The following ZEB1 variants were observed in gnomAD, a reference collection of about 807,000 sequenced individuals.
ZEB1 encodes zinc finger E-box binding homeobox 1.
Under a neutral mutation model 84.9 loss-of-function variants are expected in ZEB1, and 21 were observed. The ratio of observed to expected loss-of-function variants is 0.25; its 90% CI spans 0.18 to 0.36. ZEB1 has a LOEUF of 0.36. ZEB1 is among the 10% of genes least tolerant of loss of function. The probability of loss-of-function intolerance (pLI) is 1.00; values close to 1 mark genes in which losing one functional copy is unlikely to be tolerated. For synonymous variants in ZEB1, 420 were observed against 471.1 expected (o/e 0.89, Z 1.41); for missense variants, 1,104 against 1,330.2 (o/e 0.83, Z 2.65).
At chr10:31,321,489 C>G in intron 1 of ZEB1, 1 of 1,613,980 alleles carries the variant, frequency 6.2e-7, no homozygotes, top group Non-Finnish European at 8.5e-7. Flanking sequence ...GTGTGTGTTC[C>G]ATATTGAGCT....
intron 1 of ZEB1, among the ~76,000 whole-genome samples, chr10:31,442,328 C>G (rs1440603989): frequency 6.6e-6 from 1 of 151,644 alleles, no homozygotes; most frequent in East Asian, 1.9e-4. Flanking sequence ...AAACACTGTA[C>G]GTTCTCACTC....
At chr10:31,421,952 A>G (rs1253396123) in intron 1 of ZEB1, among the ~76,000 whole-genome samples, 1 of 152,030 alleles carries the variant, frequency 6.6e-6, no homozygotes, top group Non-Finnish European at 1.5e-5. Context: ...GCTGATTTCA[A>G]GTGACCACCT....
intron 2 of ZEB1, among the ~76,000 whole-genome samples, chr10:31,466,667 T>C (rs2062467916): frequency 6.6e-6 from 1 of 152,138 alleles, no homozygotes; most frequent in Admixed American, 6.6e-5. Context: ...GGAATGATCT[T>C]AAATAAACAA....
At chr10:31,396,811 G>A (rs1202219329) in intron 1 of ZEB1, among the ~76,000 whole-genome samples, 1 of 152,096 alleles carries the variant, frequency 6.6e-6, no homozygotes, top group Admixed American at 6.6e-5. Flanking sequence ...AAGTTAGTGT[G>A]CTTTTAAGTT....
intron 1 of ZEB1, among the ~76,000 whole-genome samples, chr10:31,440,404 T>G (rs1259676856): frequency 6.6e-6 from 1 of 152,154 alleles, no homozygotes; most frequent in Non-Finnish European, 1.5e-5. Context: ...ATGGGACGTA[T>G]CTCAAAATAA....
At chr10:31,398,253 A>T (rs2051197691) in intron 1 of ZEB1, among the ~76,000 whole-genome samples, 1 of 152,170 alleles carries the variant, frequency 6.6e-6, no homozygotes, top group Non-Finnish European at 1.5e-5. Context: ...CTTAAAAATT[A>T]TACTATTCAT....
At chr10:31,398,125 A>T (rs1490426673) in intron 1 of ZEB1, among the ~76,000 whole-genome samples, 1 of 152,174 alleles carries the variant, frequency 6.6e-6, no homozygotes, top group African/African-American at 2.4e-5. Context: ...TTACACAGCA[A>T]CCACAATTCA....
At chr10:31,342,840 A>T (rs1411617216) in intron 1 of ZEB1, among the ~76,000 whole-genome samples, 3 of 152,166 alleles carry the variant, frequency 2.0e-5, no homozygotes, top group Non-Finnish European at 4.4e-5. Context: ...GAATATAAAT[A>T]CAAAAGTTTC....
chr10:31,321,533 G>C (rs749222286), intron 1 of ZEB1: 29 of 1,613,912 alleles, frequency 1.8e-5, no homozygotes, highest in Admixed American at 3.3e-5. Context: ...TTTATGAAAG[G>C]TAAGTTGGTT....
chr10:31,332,641 G>A (rs1013739669), intron 1 of ZEB1, among the ~76,000 whole-genome samples: 17 of 152,020 alleles, frequency 1.1e-4, no homozygotes, highest in African/African-American at 4.1e-4. Flanking sequence ...GTTTTTATTT[G>A]AATAGAAACA....
In ZEB1 at chr10:31,520,286, A is replaced by G; in HGVS notation, c.954A>G (p.Ser318=). ...KTSQCSSPSL[S]ASPGSPTRPQ... is the part of the protein sequence containing the mutation. ...CTCAGTGTTCTTCACCGTCTCTTTC[A>G]GCATCACCAGGCAGTCCCACACGAC... is the stretch of plus-strand genomic sequence containing the variant. The change falls in exon 7 of 9, where the codon TCA becomes TCG. Residue 318 remains serine, a synonymous_variant. Coordinates refer to ENST00000424869, the MANE Select transcript of ZEB1 (RefSeq NM_001174096.2). The surrounding 1 kb of genome is among the most constrained non-coding windows in gnomAD (Gnocchi z 5.1). 1 of 1,614,000 alleles carries G rather than the reference A, an allele frequency of 6.2e-7. No individual in the cohort carries two copies. The highest frequency in any genetic ancestry group is 8.5e-7 in the Non-Finnish European group (1 of 1,179,912).
intron 1 of ZEB1, among the ~76,000 whole-genome samples, chr10:31,350,524 AAAAT>A (rs1017948053): frequency 6.6e-6 from 1 of 152,190 alleles, no homozygotes; most frequent in Admixed American, 6.5e-5. Context: ...AGACTTTGGT[AAAAT>A]AAATCTCAAC....
At chr10:31,523,133 T>G (rs1018527635) in intron 7 of ZEB1, among the ~76,000 whole-genome samples, 13 of 152,154 alleles carry the variant, frequency 8.5e-5, no homozygotes, top group African/African-American at 2.7e-4. Context: ...CCTTCAACTT[T>G]TAGAAAATGT....
intron 1 of ZEB1, among the ~76,000 whole-genome samples, chr10:31,377,251 A>G (rs1267185176): frequency 6.6e-6 from 1 of 151,704 alleles, no homozygotes; most frequent in Non-Finnish European, 1.5e-5. Context: ...TTAATATAGT[A>G]TCATGGTAGC....
At chr10:31,319,445 C>G (rs1243210114) in intron 1 of ZEB1, 153 bp downstream of exon 1, 7 of 711,408 alleles carry the variant, frequency 9.8e-6, no homozygotes, top group Admixed American at 2.7e-5. Context: ...CTCTCTGCCC[C>G]CCTCCGCTGC....
rs140987489 is a variant in ZEB1, at chr10:31,521,312, T to C, written c.1980T>C (p.Asn660=). 6.8e-5 allele frequency: 110 copies of C among 1,614,068 alleles called. No homozygotes were observed. The African/African-American group carries it at 1.3e-3, about 19-fold the overall frequency. Reference sequence around the variant, plus strand: ...AAGTAAATATCCCTGCCAAGAACAATGATCAGCCTCAATCTGCAAATGCAA... The same window carrying C: ...AAGTAAATATCCCTGCCAAGAACAACGATCAGCCTCAATCTGCAAATGCAA... ...PGKVNIPAKN[N]DQPQSANANE... Residue 660 remains asparagine, a synonymous_variant, in exon 7 of 9, where the codon AAT becomes AAC. Coordinates refer to ENST00000424869, the MANE Select transcript of ZEB1 (RefSeq NM_001174096.2).
rs537567297 is a variant in ZEB1, at chr10:31,473,776, A to G, written c.259+12539A>G. Reference sequence around the variant, plus strand: ...AGTCAATCCTAAGCCAAAAGAACAAAGCTGGAGGCATCACACTACCTGACT... The same window carrying G: ...AGTCAATCCTAAGCCAAAAGAACAAGGCTGGAGGCATCACACTACCTGACT... On this transcript the variant is annotated intron_variant, in intron 2 of 8. Coordinates refer to ENST00000424869, the MANE Select transcript of ZEB1 (RefSeq NM_001174096.2). 1.3e-3 allele frequency among the ~76,000 whole-genome samples: 199 copies of G among 150,694 alleles called. 1 individual carries two copies. Among genetic ancestry groups the G allele is most frequent in the African/African-American group, 4.7e-3 (190 of 40,802 alleles).
intron 2 of ZEB1, among the ~76,000 whole-genome samples, chr10:31,464,532 A>C (rs1433778091): frequency 6.6e-6 from 1 of 152,228 alleles, no homozygotes; most frequent in Non-Finnish European, 1.5e-5. Context: ...GCCCAAATGG[A>C]CATTCAGATC....
intron 1 of ZEB1, among the ~76,000 whole-genome samples, chr10:31,373,359 G>A (rs1416338635): frequency 1.3e-5 from 2 of 151,712 alleles, no homozygotes. Flanking sequence ...ATAGATAAGA[G>A]ATTTTACATA....
Sources: gnomAD v4.1 joint callset for allele counts (sites outside exome capture counted in the v4.1 genomes callset) on GRCh38, gnomAD v4.1.1 for gene constraint, Gnocchi (gnomAD v3.1) non-coding constraint, MANE v1.5 for transcripts, NCBI Gene and HGNC (gene_info 2026-07-23, HGNC 2026-07-21) for gene names.